CTIF: variants seen among roughly 807,000 people sequenced by gnomAD.
The protein encoded by CTIF is CBP80/20-dependent translation initiation factor.
A neutral mutation model predicts 66.0 loss-of-function variants in CTIF; 21 were observed. That is an observed-to-expected ratio of 0.32 (90% CI 0.23 to 0.46). The LOEUF (loss-of-function observed/expected upper bound fraction) is 0.46, where lower values mean the gene tolerates loss of function less well. Among genes scored for constraint, CTIF ranks in the 20% least tolerant of loss-of-function variants. The probability of loss-of-function intolerance (pLI) is 1.00; values close to 1 mark genes in which losing one functional copy is unlikely to be tolerated. For synonymous variants in CTIF, 345 were observed against 326.4 expected (o/e 1.06, Z -0.62); for missense variants, 739 against 812.7 (o/e 0.91, Z 1.10).
At chr18:48,625,113 C>G (rs182678444) in intron 2 of CTIF, 1 of 508,098 alleles carries the variant, frequency 2.0e-6, no homozygotes, top group East Asian at 1.5e-4. Context: ...ACTGTTCCCT[C>G]GCCCTTTTTC....
chr18:48,814,949 A>G (rs961239576), intron 9 of CTIF, among the ~76,000 whole-genome samples: 3 of 152,002 alleles, frequency 2.0e-5, no homozygotes, highest in Non-Finnish European at 4.4e-5. Flanking sequence ...TGAGGGGTCA[A>G]TATGAGGCCC....
At chr18:48,615,996 C>A (rs1318547889) in intron 1 of CTIF, among the ~76,000 whole-genome samples, 1 of 152,214 alleles carries the variant, frequency 6.6e-6, no homozygotes, top group African/African-American at 2.4e-5. Flanking sequence ...GGGGTGATGA[C>A]CATGCCCAGG....
chr18:48,655,424 C>T (rs2091231388), intron 3 of CTIF, among the ~76,000 whole-genome samples: 1 of 152,172 alleles, frequency 6.6e-6, no homozygotes. Context: ...AAACCAGACC[C>T]CCTGTCCCAC....
intron 7 of CTIF, among the ~76,000 whole-genome samples, chr18:48,729,685 C>T (rs936869110): frequency 6.6e-6 from 1 of 152,336 alleles, no homozygotes. Context: ...GTGGAAAACA[C>T]GTGCTCCTTT....
At chr18:48,735,944 G>T (rs2092498232) in intron 7 of CTIF, among the ~76,000 whole-genome samples, 2 of 152,176 alleles carry the variant, frequency 1.3e-5, no homozygotes, top group South Asian at 2.1e-4. Flanking sequence ...GTCATGGGAA[G>T]CGGAGGAGTT....
intron 9 of CTIF, among the ~76,000 whole-genome samples, chr18:48,793,428 A>G (rs187533994): frequency 2.0e-5 from 3 of 152,330 alleles, no homozygotes; most frequent in South Asian, 2.1e-4. Context: ...GTGGCTTTAT[A>G]TAACTCAGGC....
intron 1 of CTIF, among the ~76,000 whole-genome samples, chr18:48,596,477 CT>C (rs112975997): frequency 1.1e-3 from 159 of 144,900 alleles, no homozygotes; most frequent in East Asian, 9.9e-4. Flanking sequence ...TTCTTTCTTT[CT>C]TTTTTTTTTT....
intron 9 of CTIF, among the ~76,000 whole-genome samples, chr18:48,772,396 G>A (rs958251288): frequency 2.0e-5 from 3 of 147,998 alleles, no homozygotes; most frequent in Non-Finnish European, 4.6e-5. Flanking sequence ...CTACAATGTT[G>A]GACAATGCCC....
chr18:48,559,364 C>A (rs962522631), intron 1 of CTIF, among the ~76,000 whole-genome samples: 2 of 152,066 alleles, frequency 1.3e-5, no homozygotes, highest in African/African-American at 4.8e-5. Flanking sequence ...CCACCCCCCC[C>A]AATCCTAACA....
At chr18:48,624,421 G>A (rs971455828) in intron 2 of CTIF, among the ~76,000 whole-genome samples, 16 of 152,178 alleles carry the variant, frequency 1.1e-4, no homozygotes, top group African/African-American at 3.9e-4. Flanking sequence ...GACTGATTGG[G>A]TGTTGGGTGG....
Position 48,761,358 on chromosome 18 carries a change from C to T in CTIF, c.1072-32C>T. 6.2e-7 allele frequency: 1 copy of T among 1,601,932 alleles called. No individual in the cohort carries two copies. The highest frequency in any genetic ancestry group is 8.5e-7 in the Non-Finnish European group (1 of 1,172,576). On this transcript the variant is annotated intron_variant, in intron 8 of 11. Coordinates refer to ENST00000256413, the MANE Select transcript of CTIF (RefSeq NM_014772.3). The surrounding 1 kb of genome is among the most constrained non-coding windows in gnomAD (Gnocchi z 4.2). ...CCTGCACAGAGACCTCGGCTTCACT[C>T]AGGCACATTCATTTGTCTCCGACAC... is the stretch of plus-strand genomic sequence containing the variant.
chr18:48,619,257 A>G (rs2090449981), intron 1 of CTIF, among the ~76,000 whole-genome samples: 1 of 152,236 alleles, frequency 6.6e-6, no homozygotes, highest in Admixed American at 6.5e-5. Context: ...AGGCCTAGGT[A>G]GACACTAACT....
chr18:48,635,327 CTTTTTTTTTT>C (rs561455888), intron 2 of CTIF, among the ~76,000 whole-genome samples: 2 of 113,378 alleles, frequency 1.8e-5, no homozygotes, highest in Non-Finnish European at 3.7e-5. Context: ...CTTTTTCTTT[CTTTTTTTTTT>C]TTTTTTTTTG....
At chr18:48,659,669 A>C (rs898655981) in intron 3 of CTIF, among the ~76,000 whole-genome samples, 4 of 152,206 alleles carry the variant, frequency 2.6e-5, no homozygotes, top group Non-Finnish European at 4.4e-5. Flanking sequence ...ACAAGACTCA[A>C]GCCTTGTGGC....
At chr18:48,670,063 C>T (rs751963383) in intron 5 of CTIF, among the ~76,000 whole-genome samples, 1 of 151,492 alleles carries the variant, frequency 6.6e-6, no homozygotes, top group Admixed American at 6.6e-5. Flanking sequence ...AGGGATGCAG[C>T]GGGGATTCAA....
chr18:48,735,639 A>G (rs1485611502), intron 7 of CTIF, among the ~76,000 whole-genome samples: 2 of 152,190 alleles, frequency 1.3e-5, no homozygotes, highest in African/African-American at 4.8e-5. Context: ...CCAAGTGTCC[A>G]GTGGAGCCTT....
At chr18:48,654,639 A>G (rs8090176) in intron 3 of CTIF, among the ~76,000 whole-genome samples, 84,187 of 151,954 alleles carry the variant, frequency 0.55, 26,610 homozygotes, top group East Asian at 0.85. Flanking sequence ...TACCCAAAGG[A>G]TTATAAATCA....
intron 2 of CTIF, among the ~76,000 whole-genome samples, chr18:48,634,690 C>T (rs781124272): frequency 2.6e-5 from 4 of 152,220 alleles, no homozygotes; most frequent in African/African-American, 2.4e-5. Context: ...AGCCAGCTGA[C>T]GTGGGAGCCT....
intron 10 of CTIF, among the ~76,000 whole-genome samples, chr18:48,854,233 G>A (rs1393983501): frequency 6.6e-6 from 1 of 152,116 alleles, no homozygotes; most frequent in East Asian, 1.9e-4. Context: ...CTGGGAGTGA[G>A]AAGCAGGGAG....
Sources: allele counts gnomAD v4.1 joint callset (sites outside exome capture counted in the v4.1 genomes callset), GRCh38; gene constraint gnomAD v4.1.1; non-coding constraint Gnocchi (gnomAD v3.1); transcripts MANE v1.5; gene names NCBI Gene and HGNC (gene_info 2026-07-23, HGNC 2026-07-21).